The following PTPRM variants were observed in gnomAD, a reference collection of about 807,000 sequenced individuals.
The protein encoded by PTPRM is protein tyrosine phosphatase receptor type M.
Under a neutral mutation model 186.7 loss-of-function variants are expected in PTPRM, and 47 were observed. That is an observed-to-expected ratio of 0.25 (90% CI 0.20 to 0.32). PTPRM has a LOEUF of 0.32. Among genes scored for constraint, PTPRM ranks in the 10% least tolerant of loss-of-function variants. PTPRM has a pLI of 1.00. For missense variants in PTPRM, 1,494 were observed against 1,865.0 expected, an observed-to-expected ratio of 0.80 and a Z score of 3.66; for synonymous variants, 668 against 674.9, an observed-to-expected ratio of 0.99 and a Z score of 0.16.
At chr18:7,683,869 G>C (rs1003904534) in intron 1 of PTPRM, among the ~76,000 whole-genome samples, 5 of 152,112 alleles carry the variant, frequency 3.3e-5, no homozygotes, top group African/African-American at 9.7e-5. Flanking sequence ...GCACCCCCAG[G>C]CTCATTCAGG....
chr18:7,885,648 T>G (rs895175338), intron 2 of PTPRM, among the ~76,000 whole-genome samples: 3 of 152,130 alleles, frequency 2.0e-5, no homozygotes, highest in Admixed American at 2.0e-4. Flanking sequence ...TAGACTATTC[T>G]TAGTCAAACA....
chr18:7,611,038 G>A (rs2037659800), intron 1 of PTPRM, among the ~76,000 whole-genome samples: 1 of 152,040 alleles, frequency 6.6e-6, no homozygotes, highest in Non-Finnish European at 1.5e-5. Context: ...CTAGGCTAAT[G>A]TATGTGCCTG....
At chr18:7,730,743 G>C (rs2040641938) in intron 1 of PTPRM, among the ~76,000 whole-genome samples, 1 of 152,094 alleles carries the variant, frequency 6.6e-6, no homozygotes, top group African/African-American at 2.4e-5. Flanking sequence ...TGAGGAGAGG[G>C]GTGATTAAAA....
chr18:7,596,571 C>T (rs538889140), intron 1 of PTPRM, among the ~76,000 whole-genome samples: 73 of 152,134 alleles, frequency 4.8e-4, no homozygotes, highest in Non-Finnish European at 7.1e-4. Context: ...TCTTTTACTG[C>T]GCCTAATTTA....
intron 29 of PTPRM, among the ~76,000 whole-genome samples, chr18:8,382,032 A>T (rs2095740136): frequency 6.6e-6 from 1 of 152,220 alleles, no homozygotes; most frequent in African/African-American, 2.4e-5. Context: ...AGAGACAAAA[A>T]GACTCCAGTT....
intron 23 of PTPRM, among the ~76,000 whole-genome samples, chr18:8,367,296 C>G (rs565446266): frequency 2.6e-5 from 4 of 152,170 alleles, no homozygotes; most frequent in Non-Finnish European, 5.9e-5. Context: ...ATGCCTGGGC[C>G]GCCTGTTCTG....
chr18:8,162,947 C>T (rs2093258649), intron 14 of PTPRM, among the ~76,000 whole-genome samples: 1 of 152,200 alleles, frequency 6.6e-6, no homozygotes, highest in African/African-American at 2.4e-5. Flanking sequence ...CAAACAAACA[C>T]TGGAGCCCTC....
intron 7 of PTPRM, among the ~76,000 whole-genome samples, chr18:8,024,957 C>T (rs1218530380): frequency 6.6e-6 from 1 of 152,106 alleles, no homozygotes; most frequent in African/African-American, 2.4e-5. Context: ...ATCCTCCTGC[C>T]TTGGCCTCCC....
chr18:8,360,971 C>A (rs2095593958), intron 23 of PTPRM: 1 of 152,158 alleles, frequency 6.6e-6, no homozygotes, highest in South Asian at 2.1e-4. Context: ...CTGGTGGCAT[C>A]ATATACTTCA....
chr18:7,703,583 G>A (rs1416972559), intron 1 of PTPRM, among the ~76,000 whole-genome samples: 1 of 152,150 alleles, frequency 6.6e-6, no homozygotes, highest in Non-Finnish European at 1.5e-5. Flanking sequence ...TTGAGATGAT[G>A]GGGTTTTCTA....
intron 13 of PTPRM, among the ~76,000 whole-genome samples, chr18:8,139,827 C>T (rs796682958): frequency 9.1e-4 from 139 of 152,198 alleles, no homozygotes; most frequent in African/African-American, 3.1e-3. Flanking sequence ...CTACAGCTAG[C>T]CTGGCCAGAC....
intron 1 of PTPRM, among the ~76,000 whole-genome samples, chr18:7,739,722 T>G (rs745943740): frequency 2.0e-5 from 3 of 149,340 alleles, no homozygotes; most frequent in Non-Finnish European, 2.9e-5. Context: ...TCCTTGGGGC[T>G]TAGACAGTCT....
At chr18:8,091,369 C>G (rs759827969) in intron 11 of PTPRM, among the ~76,000 whole-genome samples, 8 of 152,116 alleles carry the variant, frequency 5.3e-5, no homozygotes, top group Non-Finnish European at 1.0e-4. Flanking sequence ...CCTTCTTCCC[C>G]TGTTAGCATC....
At chr18:7,929,696 A>G (rs2051367033) in intron 5 of PTPRM, among the ~76,000 whole-genome samples, 1 of 152,226 alleles carries the variant, frequency 6.6e-6, no homozygotes, top group African/African-American at 2.4e-5. Context: ...CTATATGTGT[A>G]CAAAGCAGTT....
At chr18:8,387,757 CGT>C (rs1270147814) in intron 31 of PTPRM, among the ~76,000 whole-genome samples, 1 of 79,982 alleles carries the variant, frequency 1.3e-5, no homozygotes, top group African/African-American at 4.7e-5. Flanking sequence ...TGCGTGTGTG[CGT>C]GTGTGTGCGC....
At chr18:8,228,933 A>G (rs2094250138) in intron 14 of PTPRM, among the ~76,000 whole-genome samples, 1 of 152,088 alleles carries the variant, frequency 6.6e-6, no homozygotes, top group South Asian at 2.1e-4. Context: ...TCAACTTCCA[A>G]GGTCTTTTTC....
At chr18:7,837,021 A>C (rs372664456) in intron 2 of PTPRM, among the ~76,000 whole-genome samples, 1 of 152,106 alleles carries the variant, frequency 6.6e-6, no homozygotes, top group Non-Finnish European at 1.5e-5. Flanking sequence ...GGATAGTGAT[A>C]TCTTTCTCTA....
At chr18:8,210,019 A>AAAAAG (rs1601237987) in intron 14 of PTPRM, among the ~76,000 whole-genome samples, 1 of 122,918 alleles carries the variant, frequency 8.1e-6, no homozygotes, top group Non-Finnish European at 1.8e-5. Flanking sequence ...AAAAAAAAAA[A>AAAAAG]GGTGCTCGGG....
intron 2 of PTPRM, among the ~76,000 whole-genome samples, chr18:7,819,149 G>A (rs1057197366): frequency 6.6e-6 from 1 of 152,180 alleles, no homozygotes; most frequent in African/African-American, 2.4e-5. Flanking sequence ...GGGAGTCCTG[G>A]GAGGAGAAGG....
Sources: gnomAD v4.1 joint callset for allele counts (sites outside exome capture counted in the v4.1 genomes callset) on GRCh38, gnomAD v4.1.1 for gene constraint, MANE v1.5 for transcripts, NCBI Gene and HGNC (gene_info 2026-07-23, HGNC 2026-07-21) for gene names.